Variants in CNTN4 observed in about 807,000 individuals in gnomAD.
CNTN4 encodes contactin 4, also known as contactin-4.
A neutral mutation model predicts 122.5 loss-of-function variants in CNTN4; 77 were observed. The ratio of observed to expected loss-of-function variants is 0.63; its 90% confidence interval spans 0.52 to 0.76. The LOEUF is 0.76. Ranked by LOEUF, CNTN4 falls within the 30% of genes least tolerant of loss-of-function variation. CNTN4 has a pLI of 0.00. For synonymous variants in CNTN4, 512 were observed against 447.0 expected (o/e 1.15, Z -1.83); for missense variants, 1,256 against 1,259.1 (o/e 1.00, Z 0.04).
chr3:2,612,697 T>A (rs565366450), intron 4 of CNTN4, among the ~76,000 whole-genome samples: 5 of 152,200 alleles, frequency 3.3e-5, no homozygotes, highest in Non-Finnish European at 7.4e-5. Flanking sequence ...TTGCTACATA[T>A]CTTATTTCTT....
At chr3:2,225,033 C>T (rs2149511684) in intron 2 of CNTN4, among the ~76,000 whole-genome samples, 1 of 151,690 alleles carries the variant, frequency 6.6e-6, no homozygotes, top group South Asian at 2.1e-4. Flanking sequence ...GCCTGTAGTC[C>T]CAGCTACTCG....
chr3:2,211,743 G>C (rs1193143475), intron 2 of CNTN4, among the ~76,000 whole-genome samples: 1 of 152,002 alleles, frequency 6.6e-6, no homozygotes, highest in African/African-American at 2.4e-5. Context: ...CACATGGCCA[G>C]CCGTGACGTG....
intron 4 of CNTN4, among the ~76,000 whole-genome samples, chr3:2,677,374 C>G (rs2150440798): frequency 3.1e-5 from 1 of 32,588 alleles, no homozygotes; most frequent in East Asian, 2.6e-3. Context: ...GCTCTGTCAC[C>G]CAGGTTAGAG....
In CNTN4 at chr3:2,568,334, A is replaced by C. The variant is rs565777349; in HGVS notation, c.-88-3082A>C. Among the ~76,000 whole-genome samples the C allele has an allele frequency of 4.4e-3, 668 of 151,230 alleles. 4 individuals are homozygous for C. The highest frequency in any genetic ancestry group is 0.015 in the African/African-American group (637 of 41,192). ...AAGAATGTGAAAAAAAAAAAAAAAA[A>C]AAAAAACCACCCTGTACAATTCTCA... On this transcript the variant is annotated intron_variant, in intron 3 of 24. Coordinates refer to ENST00000418658, the MANE Select transcript of CNTN4 (RefSeq NM_175607.3).
At chr3:3,004,168 AAT>A (rs765045677) in intron 14 of CNTN4, among the ~76,000 whole-genome samples, 171 of 151,590 alleles carry the variant, frequency 1.1e-3, no homozygotes, top group Non-Finnish European at 9.6e-4. Flanking sequence ...AAAAAAAAAG[AAT>A]GAATGAAGAC....
chr3:2,109,961 A>T (rs946493665), intron 2 of CNTN4, among the ~76,000 whole-genome samples: 5 of 152,270 alleles, frequency 3.3e-5, no homozygotes, highest in African/African-American at 1.2e-4. Context: ...AGTACAAACA[A>T]GGTCATCTAG....
At chr3:2,550,770 A>T (rs568897107) in intron 3 of CNTN4, among the ~76,000 whole-genome samples, 1 of 152,332 alleles carries the variant, frequency 6.6e-6, no homozygotes, top group East Asian at 1.9e-4. Context: ...CTACGTAGCC[A>T]TAAAAAAGGA....
At chr3:2,457,620 C>A (rs2049048744) in intron 3 of CNTN4, among the ~76,000 whole-genome samples, 1 of 152,104 alleles carries the variant, frequency 6.6e-6, no homozygotes, top group Admixed American at 6.6e-5. Flanking sequence ...TCATTTTAAG[C>A]TCATTCAGCA....
intron 4 of CNTN4, among the ~76,000 whole-genome samples, chr3:2,613,272 T>G (rs950274155): frequency 6.6e-6 from 1 of 152,100 alleles, no homozygotes; most frequent in Non-Finnish European, 1.5e-5. Context: ...AACTGTTTCT[T>G]CTCGCTTCTC....
intron 12 of CNTN4, among the ~76,000 whole-genome samples, chr3:2,907,874 G>T (rs759800968): frequency 2.6e-5 from 4 of 152,206 alleles, no homozygotes; most frequent in Non-Finnish European, 4.4e-5. Context: ...CTCACTGGAT[G>T]GGCAAACGCC....
At chr3:2,231,162 A>G (rs2039471148) in intron 2 of CNTN4, among the ~76,000 whole-genome samples, 1 of 152,200 alleles carries the variant, frequency 6.6e-6, no homozygotes, top group South Asian at 2.1e-4. Context: ...ATATTAAAAC[A>G]ATTACCAATT....
At chr3:3,047,193 C>T (rs1319631836) in intron 23 of CNTN4, among the ~76,000 whole-genome samples, 1 of 151,938 alleles carries the variant, frequency 6.6e-6, no homozygotes, top group East Asian at 1.9e-4. Context: ...CTTTAACACC[C>T]CACTGTCAAC....
At chr3:2,381,746 G>T (rs954668960) in intron 3 of CNTN4, among the ~76,000 whole-genome samples, 11 of 152,028 alleles carry the variant, frequency 7.2e-5, no homozygotes, top group African/African-American at 2.7e-4. Context: ...GTACTGTTTT[G>T]ATTATATAAA....
intron 2 of CNTN4, among the ~76,000 whole-genome samples, chr3:2,121,369 G>T (rs921759518): frequency 6.6e-6 from 1 of 151,912 alleles, no homozygotes; most frequent in Non-Finnish European, 1.5e-5. Context: ...GTGGTGGCAC[G>T]TGCCTGTAAA....
In CNTN4 at chr3:2,573,013, A is replaced by G. The variant is rs559650926; in HGVS notation, c.55+1455A>G. Among the ~76,000 whole-genome samples, 3 of 152,322 alleles carry G rather than the reference A, an allele frequency of 2.0e-5. No homozygotes were observed. The South Asian group carries it at 6.2e-4, about 32-fold the overall frequency. Reference sequence around the variant, plus strand: ...ATTTATCATTTATTTCACTGTATTAACTATGAATATTAATATTATGACTGA... The same window carrying G: ...ATTTATCATTTATTTCACTGTATTAGCTATGAATATTAATATTATGACTGA... On this transcript the variant is annotated intron_variant, in intron 4 of 24. Transcript: ENST00000418658.
intron 4 of CNTN4, among the ~76,000 whole-genome samples, chr3:2,575,492 CAG>C (rs1179577837): frequency 6.6e-6 from 1 of 152,132 alleles, no homozygotes; most frequent in African/African-American, 2.4e-5. Flanking sequence ...GCCTGGGTGA[CAG>C]AGCCAGACTC....
At chr3:2,646,816 A>G (rs187148671) in intron 4 of CNTN4, among the ~76,000 whole-genome samples, 40 of 152,254 alleles carry the variant, frequency 2.6e-4, no homozygotes, top group Non-Finnish European at 5.0e-4. Context: ...CTCTGACTGT[A>G]TCCAAATTTC....
At chr3:2,998,108 C>T (rs1224544073) in intron 14 of CNTN4, among the ~76,000 whole-genome samples, 1 of 152,174 alleles carries the variant, frequency 6.6e-6, no homozygotes, top group African/African-American at 2.4e-5. Context: ...CCTGATAGAA[C>T]ATGTATCTGC....
chr3:2,274,782 A>G (rs531051002), intron 2 of CNTN4, among the ~76,000 whole-genome samples: 1 of 152,322 alleles, frequency 6.6e-6, no homozygotes, highest in African/African-American at 2.4e-5. Flanking sequence ...TTTACTGTCA[A>G]GCTTCCGAGT....
Sources: gnomAD v4.1 joint callset for allele counts (sites outside exome capture counted in the v4.1 genomes callset) on GRCh38, gnomAD v4.1.1 for gene constraint, MANE v1.5 for transcripts, NCBI Gene and HGNC (gene_info 2026-07-23, HGNC 2026-07-21) for gene names.